ITGB3BP: variants seen among roughly 807,000 people sequenced by gnomAD.
ITGB3BP encodes integrin subunit beta 3 binding protein, also known as centromere protein R.
Under a neutral mutation model 29.1 loss-of-function variants are expected in ITGB3BP, and 27 were observed. The observed-to-expected ratio is 0.93, with a 90% CI of 0.68 to 1.28. The LOEUF (loss-of-function observed/expected upper bound fraction) is 1.28, where lower values mean the gene tolerates loss of function less well. Among genes scored for constraint, ITGB3BP ranks in the 50% most tolerant of loss-of-function variants. The pLI is 0.00. For synonymous variants in ITGB3BP, 61 were observed against 61.4 expected, an observed-to-expected ratio of 0.99 and a Z score of 0.03; for missense variants, 192 against 200.2, an observed-to-expected ratio of 0.96 and a Z score of 0.25.
At chr1:63,481,543 A>T (rs542513807) in intron 3 of ITGB3BP, among the ~76,000 whole-genome samples, 1 of 152,346 alleles carries the variant, frequency 6.6e-6, no homozygotes, top group South Asian at 2.1e-4. Context: ...TGTAAAAGTG[A>T]CCAAACACTT....
chr1:63,512,242 T>C (rs937882905), intron 1 of ITGB3BP, among the ~76,000 whole-genome samples: 5 of 152,140 alleles, frequency 3.3e-5, no homozygotes, highest in Non-Finnish European at 7.4e-5. Flanking sequence ...TATGTTTGTA[T>C]AATTATATTA....
At chr1:63,494,343 T>A (rs1428995713) in intron 2 of ITGB3BP, among the ~76,000 whole-genome samples, 1 of 152,202 alleles carries the variant, frequency 6.6e-6, no homozygotes, top group African/African-American at 2.4e-5. Flanking sequence ...GGTCTCCAAC[T>A]CCTGACCTCA....
intron 2 of ITGB3BP, among the ~76,000 whole-genome samples, chr1:63,504,784 G>A (rs145731663): frequency 3.2e-4 from 48 of 152,026 alleles, no homozygotes; most frequent in Middle Eastern, 3.4e-3. Flanking sequence ...GGTTTTTGTC[G>A]TTGGTTCTGT....
upstream of ITGB3BP, among the ~76,000 whole-genome samples, chr1:63,526,263 A>G (rs1159292137): frequency 6.6e-6 from 1 of 151,950 alleles, no homozygotes; most frequent in South Asian, 2.1e-4. Flanking sequence ...CCTTTATCAC[A>G]TTTAAAAATT....
At chr1:63,462,912 TAA>T (rs913887970) in intron 4 of ITGB3BP, among the ~76,000 whole-genome samples, 41 of 152,110 alleles carry the variant, frequency 2.7e-4, no homozygotes, top group African/African-American at 9.9e-4. Flanking sequence ...AATACACATC[TAA>T]AAAAGTTACT....
chr1:63,504,829 G>A (rs1254619852), intron 2 of ITGB3BP, among the ~76,000 whole-genome samples: 2 of 152,170 alleles, frequency 1.3e-5, no homozygotes, highest in Non-Finnish European at 2.9e-5. Context: ...ATTTGCATAT[G>A]TTGAACCAGC....
chr1:63,512,998 A>T (rs1328917200), intron 1 of ITGB3BP, among the ~76,000 whole-genome samples: 1 of 152,068 alleles, frequency 6.6e-6, no homozygotes, highest in African/African-American at 2.4e-5. Context: ...CCTATCTGAT[A>T]TTTCCCCATG....
At position 63,454,079 on chromosome 1, in the gene ITGB3BP, A is replaced by C; in HGVS notation, c.428-105T>G. The stretch of plus-strand genomic sequence containing the variant: ...TGAGAAAAAAATAATTCAAAATAAT[A>C]CATATTTATAAGTACCAAATATAAA... On this transcript the variant is annotated intron_variant, in intron 6 of 8. Coordinates refer to ENST00000271002, the MANE Select transcript of ITGB3BP (RefSeq NM_014288.5). This position sits in a 1 kb window ranked among gnomAD's most constrained non-coding sequence, Gnocchi z 4.1. The C allele has an allele frequency of 1.6e-6, 1 of 606,616 alleles. No individual in the cohort carries two copies. The highest frequency in any genetic ancestry group is 2.8e-6 in the Non-Finnish European group (1 of 351,378). The allele number at this position is 606,616 out of a possible 1,614,324, so 37.6% of individuals were successfully genotyped here.
At chr1:63,470,970 G>A (rs1431734407) in intron 4 of ITGB3BP, among the ~76,000 whole-genome samples, 2 of 152,220 alleles carry the variant, frequency 1.3e-5, no homozygotes, top group Non-Finnish European at 2.9e-5. Flanking sequence ...TGAGGATGTA[G>A]TGGTGCTTCA....
In ITGB3BP at chr1:63,523,222, G is replaced by A; in HGVS notation, c.-89C>T. 1 of 1,573,882 alleles carries A rather than the reference G, an allele frequency of 6.4e-7. No individual in the cohort carries two copies. Among genetic ancestry groups the A allele is most frequent in the Non-Finnish European group, 8.7e-7 (1 of 1,146,246 alleles). On this transcript the variant is annotated 5_prime_UTR_variant, in exon 1 of 9. Transcript: ENST00000271002. ...AAAATCCGCCAAAGGAAACGCCAAG[G>A]CATGAAAAGCGCGCGCTGGACGTTG... is the stretch of plus-strand genomic sequence containing the variant.
chr1:63,488,822 C>G (rs1645584143), intron 3 of ITGB3BP, among the ~76,000 whole-genome samples: 1 of 152,012 alleles, frequency 6.6e-6, no homozygotes. Context: ...CTCTGAAACC[C>G]TTGCTATCTG....
upstream of ITGB3BP, chr1:63,525,722 C>T (rs780758866): frequency 2.6e-5 from 41 of 1,579,720 alleles, no homozygotes; most frequent in South Asian, 3.6e-4. Flanking sequence ...TCAAAAGCAG[C>T]TTGGAAAACA....
At chr1:63,520,563 G>A (rs914260756) in intron 1 of ITGB3BP, among the ~76,000 whole-genome samples, 12 of 152,032 alleles carry the variant, frequency 7.9e-5, no homozygotes, top group Non-Finnish European at 1.3e-4. Flanking sequence ...ACTTAAGATA[G>A]GTAATCTCTA....
At chr1:63,490,891 T>C (rs1645631057) in intron 2 of ITGB3BP, among the ~76,000 whole-genome samples, 1 of 152,192 alleles carries the variant, frequency 6.6e-6, no homozygotes, top group Non-Finnish European at 1.5e-5. Flanking sequence ...TTCATCTTTA[T>C]ATCCTAGAGA....
chr1:63,492,603 T>C (rs1461197543), intron 2 of ITGB3BP, among the ~76,000 whole-genome samples: 1 of 152,030 alleles, frequency 6.6e-6, no homozygotes, highest in African/African-American at 2.4e-5. Flanking sequence ...AAGGAAGAAT[T>C]AAGAATACTG....
intron 4 of ITGB3BP, among the ~76,000 whole-genome samples, chr1:63,461,116 T>C (rs1288690685): frequency 1.3e-5 from 2 of 148,912 alleles, no homozygotes; most frequent in Non-Finnish European, 3.0e-5. Flanking sequence ...TAGCCAGGCA[T>C]GGTGGCGGGT....
upstream of ITGB3BP, among the ~76,000 whole-genome samples, chr1:63,526,063 C>T (rs562669029): frequency 1.3e-5 from 2 of 152,118 alleles, no homozygotes; most frequent in South Asian, 2.1e-4. Context: ...AAAATTAAAA[C>T]GCTTTTGGCC....
chr1:63,451,842 A>G (rs557960723), intron 7 of ITGB3BP: 1 of 152,240 alleles, frequency 6.6e-6, no homozygotes, highest in African/African-American at 2.4e-5. Context: ...AGCTCCTGCC[A>G]AGAAACAGAA....
chr1:63,514,763 T>C (rs1452045067), intron 1 of ITGB3BP, among the ~76,000 whole-genome samples: 1 of 152,020 alleles, frequency 6.6e-6, no homozygotes, highest in Non-Finnish European at 1.5e-5. Flanking sequence ...CTGGTCAACA[T>C]GGTAAAAGCC....
Sources: allele counts gnomAD v4.1 joint callset (sites outside exome capture counted in the v4.1 genomes callset), GRCh38; gene constraint gnomAD v4.1.1; non-coding constraint Gnocchi (gnomAD v3.1); transcripts MANE v1.5; gene names NCBI Gene and HGNC (gene_info 2026-07-23, HGNC 2026-07-21).